The following DNAH7 variants were observed in gnomAD, a reference collection of about 807,000 sequenced individuals.
The protein encoded by DNAH7 is axonemal beta dynein heavy chain 7.
A neutral mutation model predicts 444.6 loss-of-function variants in DNAH7; 397 were observed. That is an observed-to-expected ratio of 0.89 (90% CI 0.82 to 0.97). The LOEUF (loss-of-function observed/expected upper bound fraction) is 0.97, where lower values mean the gene tolerates loss of function less well. Among genes scored for constraint, DNAH7 ranks in the 50% least tolerant of loss-of-function variants. DNAH7 has a pLI of 0.00. For missense variants in DNAH7, 4,902 were observed against 4,800.8 expected (o/e 1.02, Z -0.62); for synonymous variants, 1,636 against 1,624.4 (o/e 1.01, Z -0.17).
At chr2:195,978,869 G>C (rs1225778898) in intron 15 of DNAH7, among the ~76,000 whole-genome samples, 2 of 152,052 alleles carry the variant, frequency 1.3e-5, no homozygotes, top group African/African-American at 4.8e-5. Flanking sequence ...TCAGCCAGAG[G>C]ATATAATAAT....
Position 195,858,613 on chromosome 2 carries a change from A to G in DNAH7, c.7928T>C (p.Ile2643Thr), listed in dbSNP as rs755124159. 11 of 1,613,742 alleles carry G rather than the reference A, an allele frequency of 6.8e-6. No individual in the cohort carries two copies. The highest frequency in any genetic ancestry group is 4.0e-5 in the African/African-American group (3 of 74,852). ...ESVEVAKTEK[I>T]VKADETIANE... is the part of the protein sequence containing the mutation. Reference sequence around the variant, plus strand: ...CGCTATTGTTTCATCAGCTTTCACTATTTTTTCAGTTTTGGCAACTTCTAC... The same window carrying G: ...CGCTATTGTTTCATCAGCTTTCACTGTTTTTTCAGTTTTGGCAACTTCTAC... The change falls in exon 43 of 65, where the codon ATA (isoleucine) becomes ACA (threonine). Residue 2643 changes from isoleucine (I) to threonine (T), a missense_variant. Ile to Thr is a moderately conservative substitution (Grantham distance 89). Transcript: ENST00000312428.
At chr2:195,992,664 T>C (rs1353319284) in intron 12 of DNAH7, among the ~76,000 whole-genome samples, 1 of 152,216 alleles carries the variant, frequency 6.6e-6, no homozygotes, top group Non-Finnish European at 1.5e-5. Context: ...GACTCCCTCA[T>C]TCCCACAGTC....
chr2:195,953,239 G>A (rs1017653323), intron 19 of DNAH7, among the ~76,000 whole-genome samples: 2 of 152,130 alleles, frequency 1.3e-5, no homozygotes, highest in Non-Finnish European at 2.9e-5. Context: ...TCCAGACCCT[G>A]TTTGCCTGGG....
At chr2:195,834,421 C>G in intron 47 of DNAH7, 61 bp from the exon 48 acceptor site, 3 of 1,488,702 alleles carry the variant, frequency 2.0e-6, no homozygotes, top group Non-Finnish European at 2.7e-6. Context: ...ACTACTTAAT[C>G]ATGTTCACAT....
chr2:195,981,931 G>A (rs548326896), intron 15 of DNAH7, among the ~76,000 whole-genome samples: 89 of 152,194 alleles, frequency 5.8e-4, no homozygotes, highest in African/African-American at 1.9e-3. Context: ...AACACACCAC[G>A]AGTACAGGCA....
rs1224234486 is a variant in DNAH7, at chr2:196,026,855, A to C, written c.572T>G (p.Leu191Ter). The change falls in exon 7 of 65, where the codon TTA becomes TGA. Residue 191 changes from leucine (L) to a stop codon, truncating the protein, a stop_gained. Transcript: ENST00000312428. LOFTEE classifies it high-confidence loss of function. Reference protein sequence around the residue: ...EDSWLEHVLDLVPQHLKVFTD... With the variant: ...EDSWLEHVLD The stretch of plus-strand genomic sequence containing the variant: ...GAAGACTTTCAGATGTTGTGGAACT[A>C]AATCCAGTACGTGTTCTAGCCAAGA... 2 of 1,612,534 alleles carry C rather than the reference A, an allele frequency of 1.2e-6. No homozygotes were observed. Among genetic ancestry groups the C allele is most frequent in the Non-Finnish European group, 1.7e-6 (2 of 1,178,822 alleles).
chr2:195,974,755 TACACACACACACACACACACACAC>T (rs58054572), intron 15 of DNAH7, among the ~76,000 whole-genome samples: 9 of 143,658 alleles, frequency 6.3e-5, no homozygotes, highest in African/African-American at 2.4e-4. Flanking sequence ...ATGTATATTT[TACACACACACACACACACACACAC>T]ACACACACAC....
intron 10 of DNAH7, among the ~76,000 whole-genome samples, chr2:196,011,780 G>C (rs1015494999): frequency 6.6e-6 from 1 of 152,036 alleles, no homozygotes; most frequent in Admixed American, 6.6e-5. Flanking sequence ...ATTCAATAAA[G>C]GTTTGTACTC....
rs376528845 is a variant in DNAH7 at position 195,884,604 on chromosome 2, T to A, written c.5744A>T (p.Asp1915Val). Residue 1915 changes from aspartate (D) to valine (V), a missense_variant, in exon 35 of 65, where the codon GAT becomes GTT. Transcript: ENST00000312428. Reference sequence around the variant, plus strand: ...TCTTACCTCAGTGACAAATTGATAATCATAAATTGTTCCTTTTTCAGGAAA... The same window carrying A: ...TCTTACCTCAGTGACAAATTGATAAACATAAATTGTTCCTTTTTCAGGAAA... ...VPFPEKGTIY[D>V]YQFVTEGIGK... The A allele has an allele frequency of 1.8e-4, 286 of 1,613,912 alleles. 1 individual carries two copies. In the Middle Eastern group the frequency reaches 3.5e-3, roughly 20 times the overall value.
At chr2:196,024,236 A>C (rs1255322987) in intron 8 of DNAH7, among the ~76,000 whole-genome samples, 193 bp downstream of exon 8, 1 of 152,220 alleles carries the variant, frequency 6.6e-6, no homozygotes, top group Non-Finnish European at 1.5e-5. Flanking sequence ...CTGGCAAACA[A>C]CACAGTATCT....
intron 2 of DNAH7, 49 bp from the exon 3 acceptor site, chr2:196,051,298 A>G (rs200707444): frequency 1.3e-6 from 2 of 1,508,042 alleles, no homozygotes; most frequent in South Asian, 1.1e-5. Flanking sequence ...TGTTAGTGCT[A>G]AAATTGATTC....
chr2:196,021,206 A>AT (rs761828650), intron 8 of DNAH7, among the ~76,000 whole-genome samples: 14 of 152,148 alleles, frequency 9.2e-5, no homozygotes, highest in Non-Finnish European at 1.6e-4. Flanking sequence ...TAAAAAACCT[A>AT]TATCATATTC....
intron 46 of DNAH7, among the ~76,000 whole-genome samples, chr2:195,848,268 G>A (rs1263132537): frequency 6.6e-6 from 1 of 152,180 alleles, no homozygotes; most frequent in African/African-American, 2.4e-5. Context: ...ACCTTGATAA[G>A]CCTGTTAACA....
intron 63 of DNAH7, among the ~76,000 whole-genome samples, chr2:195,749,302 G>A (rs1693631328): frequency 6.6e-6 from 1 of 151,716 alleles, no homozygotes; most frequent in African/African-American, 2.4e-5. Flanking sequence ...ACACCAGTTA[G>A]AATGGCAATC....
intron 5 of DNAH7, among the ~76,000 whole-genome samples, chr2:196,045,305 A>AG (rs1491298593): frequency 7.5e-6 from 1 of 133,916 alleles, no homozygotes; most frequent in African/African-American, 3.7e-5. Flanking sequence ...AAAAGAAAAA[A>AG]GAAAAAAAAG....
In DNAH7 at chr2:195,864,902, A is replaced by T; in HGVS notation, c.6753T>A (p.Arg2251=). The T allele has an allele frequency of 6.2e-7, 1 of 1,613,550 alleles. No homozygotes were observed. Among genetic ancestry groups the T allele is most frequent in the Non-Finnish European group, 8.5e-7 (1 of 1,179,998 alleles). ...CCATGCCATCATTATCAAAATCCAA[A>T]CGCTGAAAAAGCTCATGAAAATCTT... ...MYEDFHELFQ[R]LDFDNDGMVE... The change falls in exon 41 of 65, where the codon CGT becomes CGA. Residue 2251 remains arginine (R), a synonymous_variant. Coordinates refer to ENST00000312428, the MANE Select transcript of DNAH7 (RefSeq NM_018897.3).
chr2:195,973,488 T>A (rs1691985889), intron 15 of DNAH7, among the ~76,000 whole-genome samples: 2 of 152,200 alleles, frequency 1.3e-5, no homozygotes, highest in African/African-American at 4.8e-5. Flanking sequence ...TTTGTTTTTT[T>A]TGAGATGGAG....
chr2:195,981,024 A>T (rs1692536915), intron 15 of DNAH7, among the ~76,000 whole-genome samples: 1 of 152,168 alleles, frequency 6.6e-6, no homozygotes, highest in Non-Finnish European at 1.5e-5. Flanking sequence ...AAGAAATAAA[A>T]GTCATCCAAA....
At chr2:195,895,915 T>C (rs1702281544) in intron 29 of DNAH7, among the ~76,000 whole-genome samples, 1 of 152,158 alleles carries the variant, frequency 6.6e-6, no homozygotes, top group African/African-American at 2.4e-5. Context: ...TGCCGAGTAA[T>C]ATTCCACCGT....
Sources: allele counts gnomAD v4.1 joint callset (sites outside exome capture counted in the v4.1 genomes callset), GRCh38; gene constraint gnomAD v4.1.1; transcripts MANE v1.5; gene names NCBI Gene and HGNC (gene_info 2026-07-23, HGNC 2026-07-21).